Variants in GBE1 observed in about 807,000 individuals in gnomAD.
The protein encoded by GBE1 is 1,4-alpha-glucan-branching enzyme.
In GBE1, 70 loss-of-function variants were observed where a neutral mutation model predicts 88.8. The observed-to-expected ratio is 0.79, with a 90% CI of 0.65 to 0.96. GBE1 has a LOEUF of 0.96. GBE1 is among the 40% of genes least tolerant of loss of function. The pLI, the probability that GBE1 is intolerant of heterozygous loss-of-function variation, is 0.00. For missense variants in GBE1, 872 were observed against 871.0 expected (o/e 1.00, Z -0.01); for synonymous variants, 284 against 300.1 (o/e 0.95, Z 0.56).
At chr3:81,637,898 T>C (rs1445360476) in intron 7 of GBE1, among the ~76,000 whole-genome samples, 4 of 152,228 alleles carry the variant, frequency 2.6e-5, no homozygotes, top group African/African-American at 9.6e-5. Flanking sequence ...ACATCTATGG[T>C]CATGAGGGCT....
At chr3:81,626,216 G>A (rs1354148650) in intron 7 of GBE1, among the ~76,000 whole-genome samples, 1 of 152,056 alleles carries the variant, frequency 6.6e-6, no homozygotes, top group African/African-American at 2.4e-5. Flanking sequence ...CACTATATCT[G>A]TATTGGTTAA....
chr3:81,586,667 A>G (rs1272435079), intron 9 of GBE1, among the ~76,000 whole-genome samples: 2 of 152,166 alleles, frequency 1.3e-5, no homozygotes, highest in East Asian at 3.9e-4. Flanking sequence ...GAAACAGTAC[A>G]ATAGCTTTTA....
intron 1 of GBE1, among the ~76,000 whole-genome samples, chr3:81,721,064 G>A (rs9817982): frequency 1.5e-5 from 1 of 65,524 alleles, no homozygotes; most frequent in Non-Finnish European, 2.8e-5. Context: ...GGTCGGGGGA[G>A]GGGGGAGGGA....
chr3:81,596,694 T>C (rs1268986204), intron 7 of GBE1, among the ~76,000 whole-genome samples: 6 of 151,910 alleles, frequency 3.9e-5, no homozygotes, highest in Non-Finnish European at 5.9e-5. Flanking sequence ...GTGTCACAGA[T>C]ACCCAGACCT....
chr3:81,601,730 GA>G (rs1704035444), intron 7 of GBE1, among the ~76,000 whole-genome samples: 1 of 152,044 alleles, frequency 6.6e-6, no homozygotes, highest in African/African-American at 2.4e-5. Context: ...TATTAGTTGT[GA>G]TTTTCTCATA....
At chr3:81,744,463 CAGG>C (rs1706396153) in intron 1 of GBE1, among the ~76,000 whole-genome samples, 1 of 152,062 alleles carries the variant, frequency 6.6e-6, no homozygotes, top group Non-Finnish European at 1.5e-5. Flanking sequence ...AACATGGAAT[CAGG>C]AGGAGCATGA....
At chr3:81,558,811 T>G (rs1362661379) in intron 12 of GBE1, among the ~76,000 whole-genome samples, 2 of 152,090 alleles carry the variant, frequency 1.3e-5, no homozygotes, top group Non-Finnish European at 2.9e-5. Context: ...CATGTGACCT[T>G]GAAGTCAACT....
At position 81,591,141 on chromosome 3, in the gene GBE1, T is replaced by C. The variant is rs1414834052; in HGVS notation, c.1132A>G (p.Ser378Gly). Residue 378 changes from serine to glycine, a missense_variant, in exon 9 of 16, where the codon AGT becomes GGT. Coordinates refer to ENST00000429644, the MANE Select transcript of GBE1 (RefSeq NM_000158.4). The part of the protein sequence containing the change: ...GVGQGFSGDY[S>G]EYFGLQVDED... ...TCTACTTGTAGTCCGAAATATTCACTGTAATCACCTGAGAAACCTTGACCT... is the reference window on the plus strand; with the variant it reads ...TCTACTTGTAGTCCGAAATATTCACCGTAATCACCTGAGAAACCTTGACCT... The C allele has an allele frequency of 6.2e-7, 1 of 1,604,148 alleles. No homozygotes were observed. Among genetic ancestry groups the C allele is most frequent in the East Asian group, 2.2e-5 (1 of 44,642 alleles).
At chr3:81,683,117 G>A (rs1164018032) in intron 2 of GBE1, among the ~76,000 whole-genome samples, 2 of 152,148 alleles carry the variant, frequency 1.3e-5, no homozygotes, top group Non-Finnish European at 2.9e-5. Context: ...AAAGGGTATG[G>A]CATTTCTTTT....
At chr3:81,749,905 AG>A (rs1324975765) in intron 1 of GBE1, among the ~76,000 whole-genome samples, 3 of 152,298 alleles carry the variant, frequency 2.0e-5, no homozygotes, top group African/African-American at 7.2e-5. Context: ...ACCAACCCTT[AG>A]GTTTGATACT....
intron 11 of GBE1, among the ~76,000 whole-genome samples, chr3:81,579,799 A>G (rs1703696351): frequency 1.3e-5 from 2 of 152,130 alleles, no homozygotes; most frequent in African/African-American, 2.4e-5. Context: ...CACAGCCCCA[A>G]TTTGGAAGAT....
chr3:81,592,676 C>T (rs1703895484), intron 8 of GBE1, among the ~76,000 whole-genome samples: 1 of 151,846 alleles, frequency 6.6e-6, no homozygotes, highest in Non-Finnish European at 1.5e-5. Flanking sequence ...ATAAAAAGCA[C>T]ATCCCATATC....
rs1553696552 is a variant in GBE1 at position 81,750,549 on chromosome 3, A to ACG, written c.143+10825_143+10826insCG. On this transcript the variant is annotated intron_variant, in intron 1 of 15. Transcript: ENST00000429644. The stretch of plus-strand genomic sequence containing the variant: ...CATATATATATATACGTATATATAT[A>ACG]TGTATATATATATGTATATATATAT... Among the ~76,000 whole-genome samples, 12 of 82,914 alleles carry ACG rather than the reference A, an allele frequency of 1.4e-4. 1 individual carries two copies. The highest frequency in any genetic ancestry group is 7.9e-4 in the African/African-American group (11 of 13,936). The allele number at this position is 82,914 out of a possible 152,430, so 54.4% of individuals were successfully genotyped here.
chr3:81,562,614 C>A (rs1703435145), intron 12 of GBE1, among the ~76,000 whole-genome samples: 2 of 151,956 alleles, frequency 1.3e-5, no homozygotes, highest in African/African-American at 4.8e-5. Context: ...GCACTCAGTG[C>A]ACTGCCTTGC....
In GBE1 at chr3:81,577,909, T is replaced by A; in HGVS notation, c.1618+16A>T. 2 of 1,574,440 alleles carry A rather than the reference T, an allele frequency of 1.3e-6. No homozygotes were observed. Among genetic ancestry groups the A allele is most frequent in the Non-Finnish European group, 1.7e-6 (2 of 1,165,892 alleles). On this transcript the variant is annotated intron_variant, in intron 12 of 15. Coordinates refer to ENST00000429644, the MANE Select transcript of GBE1 (RefSeq NM_000158.4). ...ATTTTAAACACAAATTGCATATGTG[T>A]TTAACTCACACTTACCCATGAAATT...
intron 7 of GBE1, among the ~76,000 whole-genome samples, chr3:81,630,392 G>A (rs971767068): frequency 1.3e-5 from 2 of 152,074 alleles, no homozygotes; most frequent in Non-Finnish European, 2.9e-5. Context: ...TTTCTTCACA[G>A]AACTGGAAAA....
At chr3:81,651,910 C>G (rs1704856305) in intron 3 of GBE1, among the ~76,000 whole-genome samples, 1 of 152,196 alleles carries the variant, frequency 6.6e-6, no homozygotes, top group African/African-American at 2.4e-5. Flanking sequence ...ATTCATCTTG[C>G]TGTACACACA....
At chr3:81,585,959 G>A (rs374407587) in intron 10 of GBE1, 133 bp downstream of exon 10, 18 of 533,188 alleles carry the variant, frequency 3.4e-5, no homozygotes, top group East Asian at 3.4e-5. Flanking sequence ...CATAAGAATC[G>A]ACAGACTAAT....
chr3:81,499,187 C>T lies in GBE1; in HGVS notation c.1975G>A (p.Gly659Arg). The change falls in exon 15 of 16, where the codon GGG (glycine) becomes AGG (arginine). Residue 659 changes from glycine to arginine, a missense_variant. By Grantham distance (125) the Gly-to-Arg change is moderately radical. Transcript: ENST00000429644. ...VLDSDAAEYG[G>R]HQRLDHSTDF... ...GTGCTGTGGTCCAGTCTCTGATGCC[C>T]TCCATATTCCGCTGCATCTGAATCT... is the stretch of plus-strand genomic sequence containing the variant. 1 of 1,611,576 alleles carries T rather than the reference C, an allele frequency of 6.2e-7. No individual in the cohort carries two copies. The highest frequency in any genetic ancestry group is 8.5e-7 in the Non-Finnish European group (1 of 1,178,596).
Sources: gnomAD v4.1 joint callset for allele counts (sites outside exome capture counted in the v4.1 genomes callset) on GRCh38, gnomAD v4.1.1 for gene constraint, MANE v1.5 for transcripts, NCBI Gene and HGNC (gene_info 2026-07-23, HGNC 2026-07-21) for gene names.